Variants in MAD1L1 observed in about 807,000 individuals in gnomAD.
MAD1L1 encodes mitotic spindle assembly checkpoint protein MAD1.
A neutral mutation model predicts 96.9 loss-of-function variants in MAD1L1; 95 were observed. The ratio of observed to expected loss-of-function variants is 0.98; its 90% CI spans 0.83 to 1.16. The LOEUF is 1.16. Among genes scored for constraint, MAD1L1 ranks in the 50% most tolerant of loss-of-function variants. MAD1L1 has a pLI of 0.00. For synonymous variants in MAD1L1, 473 were observed against 396.6 expected (o/e 1.19, Z -2.29); for missense variants, 1,007 against 954.4 (o/e 1.06, Z -0.73).
chr7:2,028,177 G>C (rs1783065180), intron 12 of MAD1L1, among the ~76,000 whole-genome samples: 1 of 152,078 alleles, frequency 6.6e-6, no homozygotes, highest in Non-Finnish European at 1.5e-5. Flanking sequence ...TGTAATCCCA[G>C]CACTTTGGGA....
chr7:1,920,425 T>A (rs1276262770), intron 17 of MAD1L1, among the ~76,000 whole-genome samples: 1 of 152,130 alleles, frequency 6.6e-6, no homozygotes, highest in Admixed American at 6.5e-5. Flanking sequence ...TCACACTGTG[T>A]TGTGGACCCA....
chr7:2,064,425 A>C (rs1448434459), intron 12 of MAD1L1, among the ~76,000 whole-genome samples: 2 of 152,250 alleles, frequency 1.3e-5, no homozygotes, highest in Admixed American at 1.3e-4. Flanking sequence ...TAGCATGGAG[A>C]GGAGGCCTCA....
chr7:1,936,278 G>A (rs927510684), intron 17 of MAD1L1, among the ~76,000 whole-genome samples: 13 of 152,238 alleles, frequency 8.5e-5, no homozygotes, highest in African/African-American at 2.9e-4. Context: ...TCCCTGGGAC[G>A]CCACAGGCCT....
At chr7:1,948,991 A>G (rs1312370302) in intron 16 of MAD1L1, among the ~76,000 whole-genome samples, 3 of 152,204 alleles carry the variant, frequency 2.0e-5, no homozygotes, top group Admixed American at 2.0e-4. Context: ...ACACACACAC[A>G]GGATCCAGGA....
chr7:2,076,836 C>T (rs1032181501), intron 11 of MAD1L1, among the ~76,000 whole-genome samples: 10 of 150,524 alleles, frequency 6.6e-5, no homozygotes, highest in South Asian at 2.1e-4. Flanking sequence ...GCCCGCAGCA[C>T]GGTCAGCCTG....
At chr7:2,079,598 C>G (rs940238866) in intron 11 of MAD1L1, 1 of 470,004 alleles carries the variant, frequency 2.1e-6, no homozygotes, top group Non-Finnish European at 4.4e-6. Flanking sequence ...GGCAAATACT[C>G]TCATCTGACC....
chr7:1,979,984 G>A (rs549211976), intron 15 of MAD1L1, among the ~76,000 whole-genome samples: 1 of 152,338 alleles, frequency 6.6e-6, no homozygotes, highest in African/African-American at 2.4e-5. Flanking sequence ...GAGTGTCCCT[G>A]CAGAGAGGAA....
chr7:2,089,858 T>G (rs1389626163), intron 11 of MAD1L1, among the ~76,000 whole-genome samples: 1 of 152,188 alleles, frequency 6.6e-6, no homozygotes, highest in Non-Finnish European at 1.5e-5. Context: ...CCAGGCTTAA[T>G]TAAGGCCAGG....
At chr7:1,824,976 ACACT>A (rs1315567365) in intron 18 of MAD1L1, among the ~76,000 whole-genome samples, 1 of 149,278 alleles carries the variant, frequency 6.7e-6, no homozygotes, top group Non-Finnish European at 1.5e-5. Context: ...TCTCACACCC[ACACT>A]CACAGAGTGC....
intron 11 of MAD1L1, among the ~76,000 whole-genome samples, chr7:2,118,762 T>C (rs922439596): frequency 6.6e-6 from 1 of 152,128 alleles, no homozygotes; most frequent in Non-Finnish European, 1.5e-5. Flanking sequence ...GATAAGGGGC[T>C]ACCACCAGCT....
At chr7:2,063,763 G>C (rs1368644153) in intron 12 of MAD1L1, among the ~76,000 whole-genome samples, 1 of 152,200 alleles carries the variant, frequency 6.6e-6, no homozygotes, top group Non-Finnish European at 1.5e-5. Flanking sequence ...CTTTGTCATG[G>C]CCAGGGTGCG....
intron 18 of MAD1L1, among the ~76,000 whole-genome samples, chr7:1,836,444 C>G (rs889297184): frequency 3.9e-5 from 6 of 152,324 alleles, no homozygotes; most frequent in African/African-American, 9.6e-5. Context: ...TATCTCTCAT[C>G]TTGTGACTAC....
At position 1,891,942 on chromosome 7, in the gene MAD1L1, C is replaced by T. The variant is rs146107071; in HGVS notation, c.1998+6258G>A. ...ATAGTTGAGTGTAGCCTAAGTGGTA[C>T]GGCATTTATAGTCTCCAGTTGTGCA... On this transcript the variant is annotated intron_variant, in intron 18 of 18. Transcript: ENST00000265854. Among the ~76,000 whole-genome samples, 191 of 152,218 alleles carry T rather than the reference C, an allele frequency of 1.3e-3. 2 individuals are homozygous for T. The highest frequency in any genetic ancestry group is 1.7e-3 in the Non-Finnish European group (116 of 68,010).
At chr7:1,950,745 C>A (rs1399283446) in intron 16 of MAD1L1, among the ~76,000 whole-genome samples, 1 of 152,198 alleles carries the variant, frequency 6.6e-6, no homozygotes, top group African/African-American at 2.4e-5. Context: ...CTAGTGGGGC[C>A]GTTGGCAAAG....
At chr7:1,937,140 G>A (rs1017267032) in intron 16 of MAD1L1, among the ~76,000 whole-genome samples, 5 of 152,222 alleles carry the variant, frequency 3.3e-5, no homozygotes, top group Non-Finnish European at 7.3e-5. Context: ...GGTCCCTTCT[G>A]CCTAACCACA....
At chr7:2,148,831 C>G (rs1043085376) in intron 11 of MAD1L1, among the ~76,000 whole-genome samples, 4 of 152,150 alleles carry the variant, frequency 2.6e-5, no homozygotes, top group African/African-American at 7.2e-5. Context: ...ACATGAGGCC[C>G]CAACCCTGCT....
At chr7:1,854,199 C>T (rs1446667072) in intron 18 of MAD1L1, among the ~76,000 whole-genome samples, 1 of 152,182 alleles carries the variant, frequency 6.6e-6, no homozygotes, top group African/African-American at 2.4e-5. Context: ...AGCCCCAACA[C>T]TGAGCACCCA....
intron 13 of MAD1L1, among the ~76,000 whole-genome samples, chr7:2,004,696 AG>A (rs1438054518): frequency 6.6e-6 from 1 of 152,228 alleles, no homozygotes; most frequent in Non-Finnish European, 1.5e-5. Context: ...GGCAGGCTGC[AG>A]GCATTTTCCG....
chr7:1,831,182 T>G (rs1276853067), intron 18 of MAD1L1, among the ~76,000 whole-genome samples: 1 of 152,274 alleles, frequency 6.6e-6, no homozygotes, highest in Non-Finnish European at 1.5e-5. Context: ...CTATTGGCAC[T>G]ATTTTTCCAA....
Sources: allele counts gnomAD v4.1 joint callset (sites outside exome capture counted in the v4.1 genomes callset), GRCh38; gene constraint gnomAD v4.1.1; transcripts MANE v1.5; gene names NCBI Gene and HGNC (gene_info 2026-07-23, HGNC 2026-07-21).